NRG1: variants seen among roughly 807,000 people sequenced by gnomAD.
NRG1 encodes the protein pro-neuregulin-1, membrane-bound isoform.
Under a neutral mutation model 63.8 loss-of-function variants are expected in NRG1, and 18 were observed. The ratio of observed to expected loss-of-function variants is 0.28; its 90% CI spans 0.19 to 0.42. The LOEUF (loss-of-function observed/expected upper bound fraction) is 0.42. Among genes scored for constraint, NRG1 ranks in the 10% least tolerant of loss-of-function variants. The pLI, the probability that NRG1 is intolerant of heterozygous loss-of-function variation, is 1.00. For missense variants in NRG1, 762 were observed against 814.7 expected, an observed-to-expected ratio of 0.94 and a Z score of 0.79; for synonymous variants, 302 against 301.3, an observed-to-expected ratio of 1.00 and a Z score of -0.02.
chr8:32,674,291 T>G (rs542381228), intron 5 of NRG1, among the ~76,000 whole-genome samples: 39 of 152,272 alleles, frequency 2.6e-4, no homozygotes, highest in African/African-American at 8.2e-4. Context: ...TAAAAAGTAA[T>G]GTTTAATTCA....
intron 1 of NRG1, among the ~76,000 whole-genome samples, chr8:31,949,933 C>A (rs2129622887): frequency 6.6e-6 from 1 of 152,310 alleles, no homozygotes; most frequent in Non-Finnish European, 1.5e-5. Flanking sequence ...TATGATTCCT[C>A]ATTTATCCTA....
chr8:31,742,696 A>G (rs1228631650), intron 1 of NRG1, among the ~76,000 whole-genome samples: 1 of 151,916 alleles, frequency 6.6e-6, no homozygotes, highest in Non-Finnish European at 1.5e-5. Context: ...AAATGAGATT[A>G]CCTATAAGTA....
At chr8:32,523,730 A>G (rs1445376749) in intron 1 of NRG1, among the ~76,000 whole-genome samples, 2 of 151,922 alleles carry the variant, frequency 1.3e-5, no homozygotes, top group Non-Finnish European at 2.9e-5. Flanking sequence ...CGTGCCTGTA[A>G]TCCCAGCTAC....
At chr8:31,954,607 C>A (rs141222994) in intron 1 of NRG1, among the ~76,000 whole-genome samples, 166 of 152,164 alleles carry the variant, frequency 1.1e-3, no homozygotes, top group Middle Eastern at 3.4e-3. Context: ...GTTTTTAAGT[C>A]TTTTAATTAT....
chr8:32,225,610 G>A (rs1276994397), intron 1 of NRG1, among the ~76,000 whole-genome samples: 2 of 152,132 alleles, frequency 1.3e-5, no homozygotes, highest in African/African-American at 2.4e-5. Context: ...TGTGATATAT[G>A]CAATACCTCA....
intron 1 of NRG1, among the ~76,000 whole-genome samples, chr8:32,462,499 C>T (rs191747141): frequency 4.7e-5 from 7 of 150,304 alleles, no homozygotes; most frequent in Admixed American, 4.6e-4. Context: ...TGTAAGAGCA[C>T]ATAAAATCTA....
chr8:32,715,349 A>C (rs1308091872), intron 5 of NRG1, among the ~76,000 whole-genome samples: 1 of 152,152 alleles, frequency 6.6e-6, no homozygotes, highest in Admixed American at 6.6e-5. Context: ...CAGTAGAGCA[A>C]TGACTCACTT....
At chr8:32,122,031 A>G (rs1833516849) in intron 1 of NRG1, among the ~76,000 whole-genome samples, 1 of 151,948 alleles carries the variant, frequency 6.6e-6, no homozygotes, top group African/African-American at 2.4e-5. Flanking sequence ...TTTTTCTTTT[A>G]AAAACAGAAT....
intron 1 of NRG1, among the ~76,000 whole-genome samples, chr8:32,410,411 C>A (rs774558248): frequency 1.3e-5 from 2 of 151,940 alleles, no homozygotes; most frequent in African/African-American, 2.4e-5. Flanking sequence ...AAGCGATCTA[C>A]CCTGCTCAGC....
chr8:32,034,433 C>T (rs1394457603), intron 1 of NRG1, among the ~76,000 whole-genome samples: 2 of 151,926 alleles, frequency 1.3e-5, no homozygotes, highest in Non-Finnish European at 1.5e-5. Flanking sequence ...TTATCTCTTC[C>T]GGGTTTGGTA....
chr8:31,691,801 AT>A (rs1325834932), intron 1 of NRG1, among the ~76,000 whole-genome samples: 3 of 151,986 alleles, frequency 2.0e-5, no homozygotes, highest in Non-Finnish European at 4.4e-5. Flanking sequence ...ACAGAGATGA[AT>A]CTAGTTCTTC....
At chr8:32,733,786 T>C (rs918380818) in intron 6 of NRG1, among the ~76,000 whole-genome samples, 3 of 152,200 alleles carry the variant, frequency 2.0e-5, no homozygotes, top group Admixed American at 6.5e-5. Context: ...CAATGCTGAC[T>C]ATTAAGGTAA....
intron 1 of NRG1, among the ~76,000 whole-genome samples, chr8:31,750,243 G>A (rs1040349307): frequency 3.9e-5 from 6 of 151,916 alleles, no homozygotes; most frequent in African/African-American, 7.2e-5. Context: ...CCCCTAGATC[G>A]ATATCATGTG....
chr8:32,020,768 A>G (rs993066998), intron 1 of NRG1, among the ~76,000 whole-genome samples: 1 of 152,218 alleles, frequency 6.6e-6, no homozygotes, highest in Non-Finnish European at 1.5e-5. Flanking sequence ...TTTGTATTTC[A>G]CTTTCAACTC....
chr8:32,046,943 A>G (rs1821100456), intron 1 of NRG1, among the ~76,000 whole-genome samples: 1 of 152,102 alleles, frequency 6.6e-6, no homozygotes, highest in African/African-American at 2.4e-5. Flanking sequence ...CTAGAAGAAA[A>G]AAGTCTTCCC....
chr8:32,177,121 A>G (rs1239122009), intron 1 of NRG1, among the ~76,000 whole-genome samples: 1 of 152,206 alleles, frequency 6.6e-6, no homozygotes, highest in African/African-American at 2.4e-5. Flanking sequence ...AATGTGGCAC[A>G]TATACACCAT....
chr8:32,620,518 GA>G (rs1220823461), intron 5 of NRG1, among the ~76,000 whole-genome samples: 1 of 55,758 alleles, frequency 1.8e-5, no homozygotes, highest in Non-Finnish European at 3.6e-5. Flanking sequence ...TGTTGGATTA[GA>G]AGAAAAAAAA....
intron 1 of NRG1, among the ~76,000 whole-genome samples, chr8:31,781,108 A>G (rs888124538): frequency 2.0e-5 from 3 of 151,284 alleles, no homozygotes; most frequent in African/African-American, 7.3e-5. Context: ...TCCTTTTTGG[A>G]TGGATTAGAT....
At chr8:32,711,574 G>A (rs777698877) in intron 5 of NRG1, among the ~76,000 whole-genome samples, 11 of 152,168 alleles carry the variant, frequency 7.2e-5, no homozygotes, top group Admixed American at 7.2e-4. Flanking sequence ...ACACTATGAA[G>A]TTATGCTGTA....
Sources: gnomAD v4.1 joint callset for allele counts (sites outside exome capture counted in the v4.1 genomes callset) on GRCh38, gnomAD v4.1.1 for gene constraint, MANE v1.5 for transcripts, NCBI Gene and HGNC (gene_info 2026-07-23, HGNC 2026-07-21) for gene names.